Variants in UBAP2L observed in about 807,000 individuals in gnomAD.
The protein encoded by UBAP2L is ubiquitin associated protein 2 like, also known as ubiquitin-associated protein 2-like.
UBAP2L carries 12 observed loss-of-function variants against 130.6 expected under a neutral mutation model. The observed-to-expected ratio is 0.09, with a 90% CI of 0.06 to 0.15. The LOEUF (loss-of-function observed/expected upper bound fraction) is 0.15. UBAP2L is among the 10% of genes least tolerant of loss of function. The pLI is 1.00. For missense variants in UBAP2L, 965 were observed against 1,332.5 expected (o/e 0.72, Z 4.29); for synonymous variants, 503 against 524.7 (o/e 0.96, Z 0.57).
chr1:154,251,334 G>A lies in UBAP2L; in HGVS notation c.1491+16G>A, dbSNP rs377154657. 30 of 1,600,062 alleles carry A rather than the reference G, an allele frequency of 1.9e-5. No homozygotes were observed. The African/African-American group carries it at 3.4e-4, about 18-fold the overall frequency. ...GACTTCTAAGGTACTTAAACTTTTA[G>A]GTAGATACCATTTTATGGCAAGGGG... On this transcript the variant is annotated intron_variant, in intron 13 of 26. Coordinates refer to ENST00000428931, the MANE Select transcript of UBAP2L (RefSeq NM_014847.4).
Position 154,235,141 on chromosome 1 carries a change from C to G in UBAP2L, c.449-55C>G. ...ATCCTGTTGACTGTGCTCTGGCCAT[C>G]TGTGGTTTGGTTTTTTTGTTGTTGT... On this transcript the variant is annotated intron_variant, in intron 5 of 26. Transcript: ENST00000428931. 4 of 713,278 alleles carry G rather than the reference C, an allele frequency of 5.6e-6. No homozygotes were observed. The South Asian group carries it at 6.1e-5, about 11-fold the overall frequency. 44.2% of individuals were successfully genotyped at this position (713,278 alleles called of 1,614,324 possible). A position where few individuals can be genotyped will look rare whatever the true frequency, so the allele number is the denominator to read the frequency against.
intron 24 of UBAP2L, among the ~76,000 whole-genome samples, chr1:154,264,768 G>A (rs1363569318): frequency 6.7e-6 from 1 of 148,856 alleles, no homozygotes; most frequent in Non-Finnish European, 1.5e-5. Context: ...TTTTTTTTTT[G>A]CCTTTGCAGT....
chr1:154,268,678 G>A, intron 25 of UBAP2L, 79 bp from the exon 26 acceptor site: 1 of 1,434,826 alleles, frequency 7.0e-7, no homozygotes, highest in Non-Finnish European at 9.7e-7. Context: ...CTGAGGGTCA[G>A]GGAGCTTGAG....
chr1:154,259,697 G>T, intron 21 of UBAP2L: 2 of 607,492 alleles, frequency 3.3e-6, no homozygotes, highest in South Asian at 1.8e-5. Context: ...GAAAATATTG[G>T]TCCTCGTGGA....
rs779836627 is a variant in UBAP2L at position 154,236,640 on chromosome 1, T to G, written c.590+29T>G. 8.1e-6 allele frequency: 13 copies of G among 1,613,386 alleles called. No homozygotes were observed. In the South Asian group the frequency reaches 1.3e-4, roughly 16 times the overall value. Reference sequence around the variant, plus strand: ...AGTTTCATTGATCTAGTGTCTTAATTTTTTTTCCCTTAAAAATTACTGTAG... The same window carrying G: ...AGTTTCATTGATCTAGTGTCTTAATGTTTTTTCCCTTAAAAATTACTGTAG... On this transcript the variant is annotated intron_variant, in intron 7 of 26. Coordinates refer to ENST00000428931, the MANE Select transcript of UBAP2L (RefSeq NM_014847.4).
chr1:154,235,068 T>G lies in UBAP2L; in HGVS notation c.449-128T>G, dbSNP rs1671161436. 7.5e-6 allele frequency: 5 copies of G among 663,826 alleles called. No homozygotes were observed. In the South Asian group the frequency reaches 8.7e-5, roughly 11 times the overall value. The allele number at this position is 663,826 out of a possible 1,614,324, so 41.1% of individuals were successfully genotyped here. On this transcript the variant is annotated intron_variant, in intron 5 of 26. Coordinates refer to ENST00000428931, the MANE Select transcript of UBAP2L (RefSeq NM_014847.4). ...TCCAGCTCATTTTCTCTTCGTTGTT[T>G]TTTTAATTCCCAATACCATATTACA...
intron 4 of UBAP2L, among the ~76,000 whole-genome samples, chr1:154,229,474 T>TTAG (rs1201819477): frequency 6.6e-6 from 1 of 152,052 alleles, no homozygotes; most frequent in African/African-American, 2.4e-5. Context: ...CAGTGTATTA[T>TTAG]TATTATTATT....
intron 24 of UBAP2L, chr1:154,263,511 C>T (rs1163183102): frequency 6.7e-6 from 7 of 1,038,128 alleles, no homozygotes; most frequent in African/African-American, 1.7e-5. Context: ...CTAACTCTGG[C>T]GTTCTTTCCG....
intron 24 of UBAP2L, among the ~76,000 whole-genome samples, chr1:154,261,917 C>T (rs1024581266): frequency 2.0e-5 from 3 of 152,096 alleles, no homozygotes; most frequent in African/African-American, 7.2e-5. Context: ...CGGGAATGCC[C>T]AAGAGTATGT....
intron 2 of UBAP2L, among the ~76,000 whole-genome samples, chr1:154,226,887 A>G (rs1668118204): frequency 1.3e-5 from 2 of 152,074 alleles, no homozygotes; most frequent in Admixed American, 6.5e-5. Flanking sequence ...CAGTGCCACT[A>G]TCTCAGTTCA....
At chr1:154,221,470 T>G (rs561128484) in intron 1 of UBAP2L, 1 of 152,190 alleles carries the variant, frequency 6.6e-6, no homozygotes, top group East Asian at 2.0e-4. Flanking sequence ...ACTGCGGGCC[T>G]CCTCTGATCC....
chr1:154,236,724 T>A, intron 7 of UBAP2L, 113 bp downstream of exon 7: 1 of 1,102,882 alleles, frequency 9.1e-7, no homozygotes, highest in Non-Finnish European at 1.4e-6. Flanking sequence ...ATATGGGGAC[T>A]TAGGGCTCAT....
At chr1:154,236,422 C>A in intron 6 of UBAP2L, 144 bp from the exon 7 acceptor site, 1 of 815,214 alleles carries the variant, frequency 1.2e-6, no homozygotes, top group Non-Finnish European at 2.0e-6. Context: ...TGGTCTCGAA[C>A]TTCTGGATGC....
intron 14 of UBAP2L, among the ~76,000 whole-genome samples, chr1:154,252,481 A>G (rs888788055): frequency 6.0e-5 from 9 of 150,790 alleles, no homozygotes. Flanking sequence ...GGGTTTCACC[A>G]TGTTGGCCAG....
At position 154,257,228 on chromosome 1, in the gene UBAP2L, T is replaced by C; in HGVS notation, c.2323T>C (p.Ser775Pro). 6.2e-7 allele frequency: 1 copy of C among 1,614,206 alleles called. No homozygotes were observed. Among genetic ancestry groups the C allele is most frequent in the Non-Finnish European group, 8.5e-7 (1 of 1,180,016 alleles). Residue 775 changes from serine to proline, a missense_variant, in exon 19 of 27, where the codon TCG (serine) becomes CCG (proline). Physicochemically the swap from Ser to Pro is moderately conservative, Grantham distance 74. Around this residue, in one of 9 missense-constraint regions of UBAP2L, gnomAD observed 393 missense variants for 408.1 expected, o/e 0.96. Coordinates refer to ENST00000428931, the MANE Select transcript of UBAP2L (RefSeq NM_014847.4). The stretch of plus-strand genomic sequence containing the variant: ...AGGCAGCAACTCCACTGTCACAGCC[T>C]CGACTCGAAGCTCAGTTGCTACGAC... ...SLGSNSTVTA[S>P]TRSSVATTSG... is the part of the protein sequence containing the mutation.
intron 20 of UBAP2L, among the ~76,000 whole-genome samples, chr1:154,258,113 G>T (rs1680256642): frequency 6.6e-6 from 1 of 152,168 alleles, no homozygotes; most frequent in Admixed American, 6.5e-5. Flanking sequence ...AGGACTACAG[G>T]TGTGCATCCC....
At chr1:154,260,165 C>A (rs1332097372) in intron 22 of UBAP2L, 136 bp downstream of exon 22, 2 of 908,568 alleles carry the variant, frequency 2.2e-6, no homozygotes, top group East Asian at 5.1e-5. Context: ...TTGGGCATGT[C>A]ATGGCTTTTC....
chr1:154,251,342 C>G (rs373930449), intron 13 of UBAP2L, 24 bp downstream of exon 13: 4 of 1,597,590 alleles, frequency 2.5e-6, no homozygotes, highest in Admixed American at 3.5e-5. Context: ...TAGGTAGATA[C>G]CATTTTATGG....
intron 16 of UBAP2L, 49 bp from the exon 17 acceptor site, chr1:154,255,103 A>G (rs1429378971): frequency 6.3e-7 from 1 of 1,599,054 alleles, no homozygotes; most frequent in Admixed American, 1.7e-5. Context: ...CTCTCTATAG[A>G]CATTCCCTTT....
Sources: allele counts gnomAD v4.1 joint callset (sites outside exome capture counted in the v4.1 genomes callset), GRCh38; gene constraint gnomAD v4.1.1; regional missense constraint gnomAD v4.1.1; transcripts MANE v1.5; gene names NCBI Gene and HGNC (gene_info 2026-07-23, HGNC 2026-07-21).